SYT16: variants seen among roughly 807,000 people sequenced by gnomAD.
SYT16 encodes synaptotagmin-16.
SYT16 carries 42 observed loss-of-function variants against 61.4 expected under a neutral mutation model. That is an observed-to-expected ratio of 0.68 (90% CI 0.53 to 0.89). SYT16 has a LOEUF of 0.89. Among genes scored for constraint, SYT16 ranks in the 40% least tolerant of loss-of-function variants. The pLI is 0.00. For synonymous variants in SYT16, 314 were observed against 302.3 expected (o/e 1.04, Z -0.40); for missense variants, 804 against 807.3 (o/e 1.00, Z 0.05).
intron 1 of SYT16, among the ~76,000 whole-genome samples, chr14:61,837,292 A>G (rs2046161119): frequency 6.9e-6 from 1 of 145,404 alleles, no homozygotes; most frequent in African/African-American, 2.6e-5. Flanking sequence ...GCTGGAGTGC[A>G]GTGGTGCGAT....
At chr14:61,886,550 G>C (rs2047907072) in intron 1 of SYT16, among the ~76,000 whole-genome samples, 1 of 152,220 alleles carries the variant, frequency 6.6e-6, no homozygotes. Flanking sequence ...CTGCTCATCT[G>C]TAAGAAGCAC....
chr14:61,974,633 G>A (rs2051705592), intron 2 of SYT16, among the ~76,000 whole-genome samples: 2 of 152,170 alleles, frequency 1.3e-5, no homozygotes, highest in South Asian at 4.1e-4. Context: ...TGCTGTAAGG[G>A]AACATGAAGG....
intron 1 of SYT16, among the ~76,000 whole-genome samples, chr14:61,918,374 T>C (rs1451397547): frequency 6.6e-6 from 1 of 152,116 alleles, no homozygotes; most frequent in African/African-American, 2.4e-5. Flanking sequence ...AACTGTAGCA[T>C]GGCTGACCTA....
chr14:62,044,479 G>T (rs1352784462), intron 3 of SYT16, among the ~76,000 whole-genome samples: 1 of 151,980 alleles, frequency 6.6e-6, no homozygotes, highest in Non-Finnish European at 1.5e-5. Context: ...AGGCCCTGGT[G>T]TGTGATGTTC....
chr14:61,902,513 T>A (rs1199034075), intron 1 of SYT16, among the ~76,000 whole-genome samples: 1 of 152,216 alleles, frequency 6.6e-6, no homozygotes, highest in Admixed American at 6.5e-5. Context: ...CTAGGACTGC[T>A]GTAGCAAAGC....
intron 1 of SYT16, among the ~76,000 whole-genome samples, chr14:61,859,373 G>A (rs1008741387): frequency 6.6e-6 from 1 of 152,026 alleles, no homozygotes; most frequent in African/African-American, 2.4e-5. Context: ...GATTAGGGTG[G>A]GGTGACCGGA....
At chr14:61,940,536 T>C (rs1392923499) in intron 1 of SYT16, among the ~76,000 whole-genome samples, 1 of 152,204 alleles carries the variant, frequency 6.6e-6, no homozygotes, top group Non-Finnish European at 1.5e-5. Context: ...TTTGGATAAG[T>C]CATTCTCTAA....
At chr14:61,823,850 G>A (rs2045692920) in intron 1 of SYT16, among the ~76,000 whole-genome samples, 1 of 152,184 alleles carries the variant, frequency 6.6e-6, no homozygotes, top group Non-Finnish European at 1.5e-5. Context: ...GCTGCTGATT[G>A]AATTCTTGCT....
intron 3 of SYT16, among the ~76,000 whole-genome samples, chr14:62,050,714 T>C (rs866478317): frequency 2.6e-5 from 4 of 152,182 alleles, no homozygotes; most frequent in Non-Finnish European, 4.4e-5. Context: ...GCTGCAGGTC[T>C]GTTGGAGTTT....
chr14:61,903,539 C>T (rs1265153898), intron 1 of SYT16, among the ~76,000 whole-genome samples: 4 of 151,362 alleles, frequency 2.6e-5, no homozygotes, highest in Non-Finnish European at 5.9e-5. Context: ...TTTTCAATAT[C>T]ATGTAAATTC....
intron 1 of SYT16, among the ~76,000 whole-genome samples, chr14:61,964,325 A>G (rs1027417282): frequency 3.9e-5 from 6 of 152,204 alleles, no homozygotes; most frequent in African/African-American, 9.6e-5. Flanking sequence ...CAAAATATCA[A>G]TATTAACAAG....
At chr14:61,890,023 A>G (rs182439606) in intron 1 of SYT16, among the ~76,000 whole-genome samples, 13 of 152,222 alleles carry the variant, frequency 8.5e-5, no homozygotes, top group Non-Finnish European at 1.8e-4. Context: ...ATCAGGCCAG[A>G]TTCGGTAAAT....
At chr14:61,902,492 A>G (rs1424170605) in intron 1 of SYT16, among the ~76,000 whole-genome samples, 1 of 152,174 alleles carries the variant, frequency 6.6e-6, no homozygotes, top group Non-Finnish European at 1.5e-5. Flanking sequence ...CTTAGCTGGT[A>G]TATTCATTTC....
intron 4 of SYT16, among the ~76,000 whole-genome samples, chr14:62,072,384 GGT>G (rs139640744): frequency 5.0e-4 from 75 of 149,264 alleles, no homozygotes; most frequent in East Asian, 1.2e-3. Flanking sequence ...CACATGCAGG[GGT>G]GTGTGTGTGT....
chr14:61,855,135 G>T (rs559964987), intron 1 of SYT16, among the ~76,000 whole-genome samples: 1 of 152,294 alleles, frequency 6.6e-6, no homozygotes, highest in South Asian at 2.1e-4. Context: ...ACAAATCAAA[G>T]ACAGAGTCCT....
At chr14:61,928,033 T>C (rs749701343) in intron 1 of SYT16, among the ~76,000 whole-genome samples, 3 of 152,182 alleles carry the variant, frequency 2.0e-5, no homozygotes, top group Non-Finnish European at 2.9e-5. Context: ...AAGGGGCTAG[T>C]TTACTTTGAA....
At chr14:61,882,899 GA>G (rs1309379992) in intron 1 of SYT16, among the ~76,000 whole-genome samples, 1 of 152,228 alleles carries the variant, frequency 6.6e-6, no homozygotes, top group Admixed American at 6.5e-5. Context: ...GGCCAGTCAT[GA>G]AATCTTAAAG....
chr14:62,001,565 G>T (rs1043811285), intron 3 of SYT16, among the ~76,000 whole-genome samples: 1 of 151,966 alleles, frequency 6.6e-6, no homozygotes, highest in Non-Finnish European at 1.5e-5. Context: ...ATGCATGCAT[G>T]TGTATGTTTT....
At chr14:61,967,621 T>C (rs1297299842) in intron 1 of SYT16, among the ~76,000 whole-genome samples, 1 of 152,100 alleles carries the variant, frequency 6.6e-6, no homozygotes, top group East Asian at 1.9e-4. Context: ...CATGCCTTCT[T>C]TTTTTGCTGT....
Sources: allele counts gnomAD v4.1 joint callset (sites outside exome capture counted in the v4.1 genomes callset), GRCh38; gene constraint gnomAD v4.1.1; transcripts MANE v1.5; gene names NCBI Gene and HGNC (gene_info 2026-07-23, HGNC 2026-07-21).